Variants in STOX2 observed in about 807,000 individuals in gnomAD.
STOX2 encodes the protein storkhead box 2.
A neutral mutation model predicts 60.9 loss-of-function variants in STOX2; 28 were observed. The ratio of observed to expected loss-of-function variants is 0.46; its 90% CI spans 0.34 to 0.63. The LOEUF (loss-of-function observed/expected upper bound fraction) is 0.63, where lower values mean the gene tolerates loss of function less well. Ranked by LOEUF, STOX2 falls within the 30% of genes least tolerant of loss-of-function variation. STOX2 has a pLI of 0.01. For synonymous variants in STOX2, 472 were observed against 463.9 expected (o/e 1.02, Z -0.22); for missense variants, 1,024 against 1,187.7 (o/e 0.86, Z 2.03).
Position 184,011,164 on chromosome 4 carries a change from G to A in STOX2, c.2326G>A (p.Val776Ile), listed in dbSNP as rs781398123. The change falls in exon 3 of 4, where the codon GTC becomes ATC. Residue 776 changes from valine (V) to isoleucine (I), a missense_variant. Around this residue, in one of 3 missense-constraint regions of STOX2, gnomAD observed 922 missense variants for 1,058.3 expected, o/e 0.87. Coordinates refer to ENST00000308497, the MANE Select transcript of STOX2 (RefSeq NM_020225.3). This position sits in a 1 kb window ranked among gnomAD's most constrained non-coding sequence, Gnocchi z 4.4. The part of the protein sequence containing the change: ...NQEASFDYYN[V>I]SDDDDSEEGA... ...GGAAGCCTCTTTTGACTATTACAAC[G>A]TCTCTGATGATGACGACTCTGAGGA... The A allele has an allele frequency of 1.3e-6, 2 of 1,583,600 alleles. No homozygotes were observed. The highest frequency in any genetic ancestry group is 8.6e-7 in the Non-Finnish European group (1 of 1,167,260).
At chr4:183,979,002 T>C (rs1353478261) in intron 1 of STOX2, among the ~76,000 whole-genome samples, 1 of 152,230 alleles carries the variant, frequency 6.6e-6, no homozygotes, top group East Asian at 1.9e-4. Flanking sequence ...CAAAAGTGAA[T>C]GGTACCCGAT....
intron 1 of STOX2, among the ~76,000 whole-genome samples, chr4:183,897,849 C>T (rs1560869990): frequency 6.6e-6 from 1 of 152,172 alleles, no homozygotes; most frequent in Non-Finnish European, 1.5e-5. Flanking sequence ...CAACTGCATT[C>T]ACATTGGGGC....
At chr4:183,989,527 A>G (rs1036706885) in intron 1 of STOX2, among the ~76,000 whole-genome samples, 1 of 152,142 alleles carries the variant, frequency 6.6e-6, no homozygotes, top group African/African-American at 2.4e-5. Flanking sequence ...ACCAATTAAT[A>G]TATAGTGCCC....
chr4:183,859,118 G>A (rs1479586854), intron 1 of STOX2, among the ~76,000 whole-genome samples: 3 of 152,166 alleles, frequency 2.0e-5, no homozygotes, highest in African/African-American at 7.2e-5. Context: ...CTTGGTGGCT[G>A]TCATAGGCTA....
At chr4:183,874,525 T>G (rs1247055837) in intron 1 of STOX2, among the ~76,000 whole-genome samples, 1 of 152,156 alleles carries the variant, frequency 6.6e-6, no homozygotes, top group Non-Finnish European at 1.5e-5. Context: ...TTACCTTTGT[T>G]GTGTATTTTA....
intron 1 of STOX2, among the ~76,000 whole-genome samples, chr4:183,858,309 C>T (rs6552712): frequency 0.51 from 77,286 of 152,144 alleles, 19,861 homozygotes; most frequent in Non-Finnish European, 0.56. Flanking sequence ...CTGCGTCTCC[C>T]GCCCTGTGCG....
chr4:184,004,095 T>A (rs1031457888), intron 2 of STOX2, among the ~76,000 whole-genome samples: 8 of 152,212 alleles, frequency 5.3e-5, no homozygotes, highest in African/African-American at 1.9e-4. Flanking sequence ...CATATTTATA[T>A]TTTTTGTTTT....
chr4:183,908,377 AC>A (rs1741677767), intron 1 of STOX2, among the ~76,000 whole-genome samples: 1 of 152,160 alleles, frequency 6.6e-6, no homozygotes. Flanking sequence ...ATGTACATAA[AC>A]CCATTGCTGC....
At chr4:184,006,820 T>C (rs1733860677) in intron 2 of STOX2, among the ~76,000 whole-genome samples, 1 of 149,938 alleles carries the variant, frequency 6.7e-6, no homozygotes, top group Non-Finnish European at 1.5e-5. Flanking sequence ...ATCGAAACCA[T>C]CCCGGCTAAA....
intron 1 of STOX2, among the ~76,000 whole-genome samples, chr4:183,955,725 G>C (rs1170453408): frequency 2.6e-5 from 4 of 151,912 alleles, no homozygotes; most frequent in African/African-American, 9.7e-5. Context: ...GGAGAGGATT[G>C]TTCTGTTCTG....
intron 1 of STOX2, among the ~76,000 whole-genome samples, chr4:183,930,067 A>G (rs943306109): frequency 6.6e-6 from 1 of 151,300 alleles, no homozygotes; most frequent in African/African-American, 2.4e-5. Context: ...GTTTCACCGT[A>G]TTAGCCAGGA....
At chr4:184,004,697 A>G (rs1406337931) in intron 2 of STOX2, among the ~76,000 whole-genome samples, 1 of 152,268 alleles carries the variant, frequency 6.6e-6, no homozygotes, top group East Asian at 1.9e-4. Flanking sequence ...TGAATTTTTG[A>G]AAACCAACTC....
At chr4:183,883,707 A>C (rs1350090153) in intron 1 of STOX2, among the ~76,000 whole-genome samples, 1 of 152,086 alleles carries the variant, frequency 6.6e-6, no homozygotes, top group Non-Finnish European at 1.5e-5. Context: ...TGGGTGTTTT[A>C]GGTGAATGGA....
At chr4:183,896,351 T>C (rs1741339706) in intron 1 of STOX2, among the ~76,000 whole-genome samples, 1 of 152,184 alleles carries the variant, frequency 6.6e-6, no homozygotes, top group Admixed American at 6.5e-5. Flanking sequence ...TCCTTGTTTA[T>C]CTTTTTATAG....
chr4:183,939,367 G>C (rs1231443290), intron 1 of STOX2, among the ~76,000 whole-genome samples: 3 of 152,168 alleles, frequency 2.0e-5, no homozygotes, highest in African/African-American at 7.2e-5. Flanking sequence ...TCTTCACAAA[G>C]CTTTTTCATC....
At chr4:183,963,428 T>G (rs1024450892) in intron 1 of STOX2, among the ~76,000 whole-genome samples, 2 of 152,074 alleles carry the variant, frequency 1.3e-5, no homozygotes, top group African/African-American at 4.8e-5. Context: ...TTTTTTTTCT[T>G]TTTTTCTTTT....
At chr4:183,921,758 AT>A in intron 1 of STOX2, among the ~76,000 whole-genome samples, 1 of 152,340 alleles carries the variant, frequency 6.6e-6, no homozygotes, top group Admixed American at 6.5e-5. Context: ...AAAGACCAAA[AT>A]TGCTTTTAAA....
At chr4:183,981,559 T>A (rs1293001185) in intron 1 of STOX2, among the ~76,000 whole-genome samples, 1 of 152,190 alleles carries the variant, frequency 6.6e-6, no homozygotes, top group Non-Finnish European at 1.5e-5. Flanking sequence ...TCTCATCGTT[T>A]TCTTATTGTT....
At chr4:183,832,928 G>A (rs1465013849) in intron 1 of STOX2, among the ~76,000 whole-genome samples, 1 of 152,202 alleles carries the variant, frequency 6.6e-6, no homozygotes, top group Non-Finnish European at 1.5e-5. Context: ...CTTCACCTCT[G>A]CAGACCAAAC....
Sources: gnomAD v4.1 joint callset for allele counts (sites outside exome capture counted in the v4.1 genomes callset) on GRCh38, gnomAD v4.1.1 for gene constraint, gnomAD v4.1.1 regional missense constraint, Gnocchi (gnomAD v3.1) non-coding constraint, MANE v1.5 for transcripts, NCBI Gene and HGNC (gene_info 2026-07-23, HGNC 2026-07-21) for gene names.